Variants in ZNF678 observed in about 807,000 individuals in gnomAD.
ZNF678 encodes hypothetical protein MGC42493.
Under a neutral mutation model 3.0 loss-of-function variants are expected in ZNF678, and 5 were observed. The ratio of observed to expected loss-of-function variants is 1.69; its 90% CI spans 0.88 to 3.56. ZNF678 has a LOEUF of 3.56. ZNF678 is among the 30% of genes most tolerant of loss of function. The pLI, the probability that ZNF678 is intolerant of heterozygous loss-of-function variation, is 0.00. For synonymous variants in ZNF678, 218 were observed against 199.6 expected (o/e 1.09, Z -0.78); for missense variants, 593 against 605.0 (o/e 0.98, Z 0.21).
intron 1 of ZNF678, among the ~76,000 whole-genome samples, chr1:227,618,595 A>G (rs984361587): frequency 6.6e-6 from 1 of 152,216 alleles, no homozygotes; most frequent in African/African-American, 2.4e-5. Flanking sequence ...GGCCACTGTC[A>G]TTCTTTGACC....
At chr1:227,592,740 A>G (rs1489847763) in intron 1 of ZNF678, among the ~76,000 whole-genome samples, 2 of 152,230 alleles carry the variant, frequency 1.3e-5, no homozygotes, top group African/African-American at 4.8e-5. Context: ...GAGAGTTGAA[A>G]GACCTATAAG....
At position 227,656,023 on chromosome 1, in the gene ZNF678, G is replaced by A. The variant is rs531648436; in HGVS notation, c.*195G>A. ...TCCTGTAAACAGAATCTGTACTAGA[G>A]GAAAAACCCTTAAACAATTATTCAG... is the stretch of plus-strand genomic sequence containing the variant. On this transcript the variant is annotated 3_prime_UTR_variant, in exon 4 of 4. Coordinates refer to ENST00000343776, the MANE Select transcript of ZNF678 (RefSeq NM_001367909.1). 2.3e-6 allele frequency: 1 copy of A among 438,384 alleles called. No individual in the cohort carries two copies. Among genetic ancestry groups the A allele is most frequent in the Non-Finnish European group, 3.8e-6 (1 of 261,514 alleles). The allele number at this position is 438,384 out of a possible 1,614,324, so 27.2% of individuals were successfully genotyped here.
intron 2 of ZNF678, among the ~76,000 whole-genome samples, chr1:227,648,338 G>A (rs922107035): frequency 6.6e-6 from 1 of 151,988 alleles, no homozygotes; most frequent in Non-Finnish European, 1.5e-5. Context: ...ATATTTATTT[G>A]TGTGTGTAAC....
intron 1 of ZNF678, among the ~76,000 whole-genome samples, chr1:227,586,423 G>C (rs965067765): frequency 6.6e-6 from 1 of 152,004 alleles, no homozygotes; most frequent in South Asian, 2.1e-4. Context: ...CCACCAAATA[G>C]AATATATCAC....
chr1:227,646,584 C>T lies in ZNF678; in HGVS notation c.-123C>T. ...AGTGATGTGGTCATAGAATTCTCTC[C>T]AGAGGAGTGGGCATGCCTGGACCCT... On this transcript the variant is annotated 5_prime_UTR_variant, in exon 2 of 4. Coordinates refer to ENST00000343776, the MANE Select transcript of ZNF678 (RefSeq NM_001367909.1). The T allele has an allele frequency of 7.3e-7, 1 of 1,372,040 alleles. No individual in the cohort carries two copies. Among genetic ancestry groups the T allele is most frequent in the South Asian group, 1.1e-5 (1 of 88,956 alleles). The allele number at this position is 1,372,040 out of a possible 1,614,324, so 85.0% of individuals were successfully genotyped here. A position where few individuals can be genotyped will look rare whatever the true frequency, so the allele number is the denominator to read the frequency against.
At chr1:227,632,047 G>A (rs1658559362) in intron 1 of ZNF678, among the ~76,000 whole-genome samples, 1 of 152,202 alleles carries the variant, frequency 6.6e-6, no homozygotes, top group South Asian at 2.1e-4. Flanking sequence ...TAGAAATTGG[G>A]GGAGTAGAGC....
intron 2 of ZNF678, 59 bp from the exon 3 acceptor site, chr1:227,650,897 T>A: frequency 7.3e-7 from 1 of 1,369,290 alleles, no homozygotes. Context: ...TATTTTTACT[T>A]CTTTCTTTTC....
intron 2 of ZNF678, among the ~76,000 whole-genome samples, chr1:227,648,521 C>T (rs1351795839): frequency 1.3e-5 from 2 of 152,144 alleles, no homozygotes; most frequent in African/African-American, 4.8e-5. Flanking sequence ...TAAAATTACA[C>T]ATTCGATCTT....
downstream of ZNF678, among the ~76,000 whole-genome samples, chr1:227,663,172 A>G (rs973666521): frequency 6.6e-6 from 1 of 152,220 alleles, no homozygotes; most frequent in Non-Finnish European, 1.5e-5. Context: ...TCAGGTTCCT[A>G]GCCTCCAAAA....
intron 2 of ZNF678, among the ~76,000 whole-genome samples, chr1:227,649,538 C>T (rs1242003360): frequency 6.6e-6 from 1 of 152,056 alleles, no homozygotes; most frequent in African/African-American, 2.4e-5. Flanking sequence ...TTAGAAGAGA[C>T]GAGGTTTCAC....
intron 1 of ZNF678, among the ~76,000 whole-genome samples, chr1:227,619,550 T>C (rs1480860728): frequency 2.6e-5 from 4 of 151,938 alleles, no homozygotes; most frequent in South Asian, 2.1e-4. Flanking sequence ...CTTGCTCTGT[T>C]GCCCAGGCTG....
At chr1:227,662,663 A>G (rs562441808), downstream of ZNF678, among the ~76,000 whole-genome samples, 6 of 152,302 alleles carry the variant, frequency 3.9e-5, no homozygotes, top group East Asian at 1.9e-4. Flanking sequence ...AAGGAATTAC[A>G]TGAGTTTCTT....
intron 3 of ZNF678, among the ~76,000 whole-genome samples, chr1:227,652,857 GT>G (rs1159202161): frequency 1.3e-5 from 2 of 152,020 alleles, no homozygotes; most frequent in Non-Finnish European, 2.9e-5. Context: ...TTCCCAGACA[GT>G]TATGTATTTG....
chr1:227,649,153 C>G (rs1378149554), intron 2 of ZNF678, among the ~76,000 whole-genome samples: 1 of 152,270 alleles, frequency 6.6e-6, no homozygotes, highest in East Asian at 1.9e-4. Context: ...GTGAATGATA[C>G]TGTAATAAAT....
intron 1 of ZNF678, among the ~76,000 whole-genome samples, chr1:227,606,709 G>T (rs1657881783): frequency 6.6e-6 from 1 of 151,978 alleles, no homozygotes; most frequent in Non-Finnish European, 1.5e-5. Flanking sequence ...GCCTTTCTTG[G>T]GCAGAGGTCC....
chr1:227,611,795 G>C (rs1658027468), intron 1 of ZNF678, among the ~76,000 whole-genome samples: 2 of 152,088 alleles, frequency 1.3e-5, no homozygotes, highest in South Asian at 4.1e-4. Context: ...ATCTAGTTCT[G>C]TCTGAGACCA....
intron 1 of ZNF678, among the ~76,000 whole-genome samples, chr1:227,603,050 G>A (rs2935148): frequency 0.019 from 2,826 of 151,934 alleles, 86 homozygotes; most frequent in African/African-American, 0.064. Context: ...ACAAGCATGT[G>A]CATCTTCCTG....
chr1:227,581,755 C>T (rs1657133731), intron 1 of ZNF678, among the ~76,000 whole-genome samples: 1 of 152,186 alleles, frequency 6.6e-6, no homozygotes, highest in Non-Finnish European at 1.5e-5. Context: ...AAGGTAGTCA[C>T]ATTGCTGTAT....
At chr1:227,665,338 A>G (rs1659483203), downstream of ZNF678, among the ~76,000 whole-genome samples, 1 of 152,198 alleles carries the variant, frequency 6.6e-6, no homozygotes, top group African/African-American at 2.4e-5. Context: ...TATATGTAAA[A>G]TCAGACGCTT....
Sources: allele counts gnomAD v4.1 joint callset (sites outside exome capture counted in the v4.1 genomes callset), GRCh38; gene constraint gnomAD v4.1.1; transcripts MANE v1.5; gene names NCBI Gene and HGNC (gene_info 2026-07-23, HGNC 2026-07-21).